Variants in PALM2AKAP2 observed in about 807,000 individuals in gnomAD.
PALM2AKAP2 encodes PALM2-AKAP2 fusion protein.
In PALM2AKAP2, 37 loss-of-function variants were observed where a neutral mutation model predicts 71.5. The observed-to-expected ratio is 0.52, with a 90% CI of 0.40 to 0.68. PALM2AKAP2 has a LOEUF of 0.68. Ranked by LOEUF, PALM2AKAP2 falls within the 30% of genes least tolerant of loss-of-function variation. The probability of loss-of-function intolerance (pLI) is 0.00; values close to 1 mark genes in which losing one functional copy is unlikely to be tolerated. For missense variants in PALM2AKAP2, 1,224 were observed against 1,191.8 expected, an observed-to-expected ratio of 1.03 and a Z score of -0.40; for synonymous variants, 468 against 478.8, an observed-to-expected ratio of 0.98 and a Z score of 0.29.
intron 1 of PALM2AKAP2, among the ~76,000 whole-genome samples, chr9:109,792,404 G>C (rs982460565): frequency 4.6e-5 from 7 of 152,174 alleles, no homozygotes; most frequent in African/African-American, 1.7e-4. Flanking sequence ...TGGGATTATA[G>C]GCATGTGCCA....
At chr9:110,170,021 G>A (rs1262466940) in exon 4 of PALM2AKAP2, 2 of 152,540 alleles carry the variant, frequency 1.3e-5, no homozygotes, top group African/African-American at 4.8e-5. Flanking sequence ...ACAAAGTTTT[G>A]AGCGGTTTTG....
chr9:109,833,667 G>C (rs1828373271), intron 1 of PALM2AKAP2, among the ~76,000 whole-genome samples: 2 of 152,118 alleles, frequency 1.3e-5, no homozygotes, highest in Admixed American at 1.3e-4. Context: ...TCACTGTGTG[G>C]GACTGCCCTA....
intron 1 of PALM2AKAP2, among the ~76,000 whole-genome samples, chr9:109,680,567 T>C (rs550626367): frequency 4.6e-5 from 7 of 152,350 alleles, no homozygotes; most frequent in African/African-American, 1.7e-4. Flanking sequence ...CTATAAAATG[T>C]CTAGGATTAC....
intron 1 of PALM2AKAP2, among the ~76,000 whole-genome samples, chr9:109,814,127 C>G (rs970337648): frequency 2.6e-5 from 4 of 152,192 alleles, no homozygotes; most frequent in African/African-American, 4.8e-5. Context: ...TTGTAATGCC[C>G]TTGATGAGAA....
At position 109,766,270 on chromosome 9, in the gene PALM2AKAP2, A is replaced by T. The variant is rs568741453; in HGVS notation, c.6-14218A>T. 5.3e-5 allele frequency among the ~76,000 whole-genome samples: 8 copies of T among 152,276 alleles called. No homozygotes were observed. In the South Asian group the frequency reaches 1.7e-3, roughly 32 times the overall value. On this transcript the variant is annotated intron_variant, in intron 1 of 6. Transcript: ENST00000374531. Reference sequence around the variant, plus strand: ...CCTGCCCAGTGGGAATAGTATTGTCACCCCTGTTTTTGGCACAAATGATTT... The same window carrying T: ...CCTGCCCAGTGGGAATAGTATTGTCTCCCCTGTTTTTGGCACAAATGATTT...
intron 3 of PALM2AKAP2, among the ~76,000 whole-genome samples, chr9:110,157,015 G>C (rs1836474856): frequency 6.6e-6 from 1 of 152,204 alleles, no homozygotes; most frequent in African/African-American, 2.4e-5. Context: ...TGAAAGCAAA[G>C]AGCCAGTGAA....
At chr9:109,785,470 G>A (rs1052440915) in intron 1 of PALM2AKAP2, among the ~76,000 whole-genome samples, 9 of 152,120 alleles carry the variant, frequency 5.9e-5, no homozygotes, top group East Asian at 1.9e-4. Context: ...GTATTAGTCC[G>A]TTTTCACCGT....
At chr9:110,160,883 C>T (rs1836579046) in intron 3 of PALM2AKAP2, among the ~76,000 whole-genome samples, 1 of 152,146 alleles carries the variant, frequency 6.6e-6, no homozygotes, top group African/African-American at 2.4e-5. Context: ...AGAGGTCATC[C>T]AACCACTCTG....
intron 3 of PALM2AKAP2, among the ~76,000 whole-genome samples, chr9:109,907,272 A>G (rs1470257067): frequency 1.3e-5 from 2 of 152,248 alleles, no homozygotes; most frequent in African/African-American, 4.8e-5. Flanking sequence ...AATTTCTCAA[A>G]AGTAGAGACT....
chr9:109,756,236 T>TG (rs1244501958), intron 1 of PALM2AKAP2, among the ~76,000 whole-genome samples: 1 of 152,206 alleles, frequency 6.6e-6, no homozygotes, highest in Non-Finnish European at 1.5e-5. Flanking sequence ...CTGCCCACTT[T>TG]GATAGTCAAA....
At chr9:109,725,048 G>A (rs754762674) in intron 1 of PALM2AKAP2, among the ~76,000 whole-genome samples, 3 of 152,028 alleles carry the variant, frequency 2.0e-5, no homozygotes, top group Non-Finnish European at 2.9e-5. Flanking sequence ...AAGAAGAAAT[G>A]CAAATGGCCA....
At chr9:109,866,822 A>G (rs1490461803) in intron 1 of PALM2AKAP2, among the ~76,000 whole-genome samples, 1 of 152,172 alleles carries the variant, frequency 6.6e-6, no homozygotes, top group African/African-American at 2.4e-5. Context: ...ACAGGTAGTG[A>G]GTGGTAGGGC....
intron 6 of PALM2AKAP2, among the ~76,000 whole-genome samples, chr9:109,978,421 T>A (rs1832209008): frequency 1.3e-5 from 2 of 152,168 alleles, no homozygotes; most frequent in South Asian, 4.1e-4. Flanking sequence ...ATGTCTGCAC[T>A]CAAGAAGCTG....
At chr9:109,883,720 T>C (rs1001554285) in intron 3 of PALM2AKAP2, among the ~76,000 whole-genome samples, 4 of 152,198 alleles carry the variant, frequency 2.6e-5, no homozygotes, top group African/African-American at 9.7e-5. Flanking sequence ...ATTTGAATAG[T>C]TCTAAAGGCT....
At chr9:109,752,601 C>A (rs2118714491) in intron 1 of PALM2AKAP2, among the ~76,000 whole-genome samples, 1 of 152,056 alleles carries the variant, frequency 6.6e-6, no homozygotes, top group Middle Eastern at 3.4e-3. Context: ...TGGGAGAAGC[C>A]CAAGGGGATG....
chr9:109,907,561 G>A (rs1457958851), intron 3 of PALM2AKAP2, among the ~76,000 whole-genome samples: 3 of 152,172 alleles, frequency 2.0e-5, no homozygotes, highest in Non-Finnish European at 4.4e-5. Context: ...TGAGAGGAAG[G>A]GGTAGGGTTC....
upstream of PALM2AKAP2, among the ~76,000 whole-genome samples, chr9:109,779,023 G>A (rs1271273648): frequency 6.6e-6 from 1 of 152,190 alleles, no homozygotes; most frequent in Non-Finnish European, 1.5e-5. Context: ...ACCCGCCTTG[G>A]CCTCCCAAAG....
chr9:110,170,747 G>A (rs964888993), exon 4 of PALM2AKAP2: 2 of 152,196 alleles, frequency 1.3e-5, no homozygotes, highest in Non-Finnish European at 2.9e-5. Context: ...AATGAGATCC[G>A]TGTTAGATTA....
intron 1 of PALM2AKAP2, among the ~76,000 whole-genome samples, chr9:109,861,010 G>A (rs543869929): frequency 3.9e-5 from 6 of 152,192 alleles, no homozygotes; most frequent in Non-Finnish European, 8.8e-5. Flanking sequence ...CCCTCCTCTT[G>A]TCTAAATTCT....
Sources: allele counts gnomAD v4.1 joint callset (sites outside exome capture counted in the v4.1 genomes callset), GRCh38; gene constraint gnomAD v4.1.1; transcripts MANE v1.5; gene names NCBI Gene and HGNC (gene_info 2026-07-23, HGNC 2026-07-21).